The following NBEA variants were observed in gnomAD, a reference collection of about 807,000 sequenced individuals.
The protein encoded by NBEA is lysosomal-trafficking regulator 2.
NBEA carries 44 observed loss-of-function variants against 343.4 expected under a neutral mutation model. The ratio of observed to expected loss-of-function variants is 0.13; its 90% CI spans 0.10 to 0.16. The LOEUF is 0.16. NBEA is among the 10% of genes least tolerant of loss of function. The probability of loss-of-function intolerance (pLI) is 1.00; values close to 1 mark genes in which losing one functional copy is unlikely to be tolerated. For missense variants in NBEA, 2,555 were observed against 3,631.3 expected (o/e 0.70, Z 7.62); for synonymous variants, 1,175 against 1,238.7 (o/e 0.95, Z 1.08).
chr13:35,654,443 C>T (rs769148708), intron 53 of NBEA, among the ~76,000 whole-genome samples: 4 of 152,174 alleles, frequency 2.6e-5, no homozygotes, highest in Non-Finnish European at 4.4e-5. Context: ...AAATGACAGA[C>T]TTGGGGCAAA....
At chr13:35,183,163 C>T (rs1244325187) in intron 29 of NBEA, among the ~76,000 whole-genome samples, 1 of 151,946 alleles carries the variant, frequency 6.6e-6, no homozygotes, top group African/African-American at 2.4e-5. Flanking sequence ...ACTAGCTTTG[C>T]CCACTCTACT....
chr13:35,128,819 G>A (rs1234323334), intron 17 of NBEA, among the ~76,000 whole-genome samples: 1 of 152,120 alleles, frequency 6.6e-6, no homozygotes, highest in Non-Finnish European at 1.5e-5. Flanking sequence ...TATACAAAGA[G>A]ATTTTGAGAT....
chr13:35,095,720 T>G (rs2065298847), intron 10 of NBEA, among the ~76,000 whole-genome samples: 1 of 151,932 alleles, frequency 6.6e-6, no homozygotes, highest in African/African-American at 2.4e-5. Context: ...TGTTGAAAAG[T>G]TTAGCAATTA....
intron 34 of NBEA, among the ~76,000 whole-genome samples, chr13:35,261,226 A>G (rs2033184086): frequency 6.6e-6 from 1 of 152,196 alleles, no homozygotes; most frequent in South Asian, 2.1e-4. Flanking sequence ...TTAAAGTAAA[A>G]TATGGGCCAA....
intron 1 of NBEA, among the ~76,000 whole-genome samples, chr13:35,001,685 G>A (rs2061146019): frequency 6.6e-6 from 1 of 152,070 alleles, no homozygotes; most frequent in Non-Finnish European, 1.5e-5. Context: ...AGGAAGGATA[G>A]GAAGAGATTG....
intron 38 of NBEA, among the ~76,000 whole-genome samples, chr13:35,359,861 A>T (rs925038473): frequency 2.7e-5 from 4 of 148,624 alleles, no homozygotes; most frequent in Admixed American, 6.7e-5. Context: ...TGTGTGTGTG[A>T]GATCTCAGTT....
At chr13:35,152,176 A>AG (rs2068832730) in intron 18 of NBEA, among the ~76,000 whole-genome samples, 1 of 152,216 alleles carries the variant, frequency 6.6e-6, no homozygotes, top group Non-Finnish European at 1.5e-5. Context: ...ATAACTAACC[A>AG]ATTTAAAGGA....
At chr13:35,605,596 G>A (rs1438807391) in intron 47 of NBEA, among the ~76,000 whole-genome samples, 2 of 152,094 alleles carry the variant, frequency 1.3e-5, no homozygotes, top group African/African-American at 4.8e-5. Flanking sequence ...AACTACAGCA[G>A]TTTGTTTTAA....
rs1233726123 is a variant in NBEA at position 35,472,401 on chromosome 13, C to T, written c.6450C>T (p.Gly2150=). 6.2e-7 allele frequency: 1 copy of T among 1,613,108 alleles called. No homozygotes were observed. The highest frequency in any genetic ancestry group is 8.5e-7 in the Non-Finnish European group (1 of 1,179,732). ...LQEKEIDNLA[G]PVVLSTPAQL... Reference sequence around the variant, plus strand: ...ACTCCCCTTGTCCTTGCCTTGCAGGCCCAGTGGTTCTCAGCACCCCTGCCC... The same window carrying T: ...ACTCCCCTTGTCCTTGCCTTGCAGGTCCAGTGGTTCTCAGCACCCCTGCCC... The change falls in exon 41 of 59, where the codon GGC becomes GGT. Residue 2150 remains glycine, a splice_region_variant and synonymous_variant. Coordinates refer to ENST00000379939, the MANE Select transcript of NBEA (RefSeq NM_001385012.1).
intron 46 of NBEA, among the ~76,000 whole-genome samples, chr13:35,586,910 A>G (rs2081314920): frequency 1.3e-5 from 2 of 152,206 alleles, no homozygotes; most frequent in Non-Finnish European, 2.9e-5. Context: ...AACTAAACAA[A>G]GTCACAAAAA....
intron 40 of NBEA, among the ~76,000 whole-genome samples, chr13:35,471,832 A>G (rs929673150): frequency 3.3e-5 from 5 of 152,188 alleles, no homozygotes; most frequent in African/African-American, 9.6e-5. Flanking sequence ...TAATGTCCGT[A>G]TGCACGCGTA....
intron 1 of NBEA, among the ~76,000 whole-genome samples, chr13:35,033,241 G>A (rs1403452036): frequency 6.6e-6 from 1 of 151,848 alleles, no homozygotes; most frequent in Non-Finnish European, 1.5e-5. Context: ...AGTTTTCTCA[G>A]CATCATTTAT....
chr13:35,448,938 A>C (rs111765488), intron 39 of NBEA, among the ~76,000 whole-genome samples: 1 of 152,244 alleles, frequency 6.6e-6, no homozygotes, highest in Non-Finnish European at 1.5e-5. Context: ...TTGTTAGGAA[A>C]GGCAACTGAA....
chr13:35,265,029 T>G (rs918940484), intron 34 of NBEA, among the ~76,000 whole-genome samples: 8 of 151,884 alleles, frequency 5.3e-5, no homozygotes, highest in Admixed American at 1.3e-4. Flanking sequence ...ATAAATACAT[T>G]TAGTTAAGTT....
intron 55 of NBEA, among the ~76,000 whole-genome samples, chr13:35,661,567 C>T (rs2085090911): frequency 6.6e-6 from 1 of 152,128 alleles, no homozygotes; most frequent in East Asian, 1.9e-4. Context: ...TTGGGAAATG[C>T]GGGTCCAAGT....
At chr13:35,604,756 T>C (rs1397097611) in intron 47 of NBEA, among the ~76,000 whole-genome samples, 1 of 152,076 alleles carries the variant, frequency 6.6e-6, no homozygotes, top group Non-Finnish European at 1.5e-5. Context: ...ATATACCCTG[T>C]TCTCCTCTTG....
intron 41 of NBEA, among the ~76,000 whole-genome samples, chr13:35,526,287 C>T (rs574626716): frequency 1.6e-3 from 238 of 152,216 alleles, no homozygotes; most frequent in African/African-American, 5.6e-3. Flanking sequence ...ACTCAACTGC[C>T]CAACTTTAAC....
intron 28 of NBEA, 90 bp downstream of exon 28, chr13:35,177,193 G>A (rs562430140): frequency 1.9e-5 from 18 of 953,850 alleles, no homozygotes; most frequent in African/African-American, 3.3e-5. Context: ...TTATGAAAAC[G>A]ACATTCCCTA....
chr13:35,242,477 G>T (rs915546375), intron 34 of NBEA, among the ~76,000 whole-genome samples: 4 of 151,752 alleles, frequency 2.6e-5, no homozygotes, highest in East Asian at 1.9e-4. Context: ...AGAGAAAAGG[G>T]CAGAGAGCGT....
Sources: gnomAD v4.1 joint callset for allele counts (sites outside exome capture counted in the v4.1 genomes callset) on GRCh38, gnomAD v4.1.1 for gene constraint, MANE v1.5 for transcripts, NCBI Gene and HGNC (gene_info 2026-07-23, HGNC 2026-07-21) for gene names.